APBA1: variants seen among roughly 807,000 people sequenced by gnomAD.
The protein encoded by APBA1 is amyloid-beta A4 precursor protein-binding family A member 1.
In APBA1, 55 loss-of-function variants were observed where a neutral mutation model predicts 86.6. The observed-to-expected ratio is 0.64, with a 90% CI of 0.51 to 0.80. The LOEUF (loss-of-function observed/expected upper bound fraction) is 0.80. Ranked by LOEUF, APBA1 falls within the 30% of genes least tolerant of loss-of-function variation. APBA1 has a pLI of 0.00. For synonymous variants in APBA1, 511 were observed against 493.9 expected (o/e 1.03, Z -0.46); for missense variants, 1,090 against 1,183.0 (o/e 0.92, Z 1.15).
chr9:69,472,931 T>C (rs1465584139), intron 3 of APBA1, among the ~76,000 whole-genome samples: 1 of 152,202 alleles, frequency 6.6e-6, no homozygotes, highest in Non-Finnish European at 1.5e-5. Flanking sequence ...ATTGGGGCAG[T>C]TGAAGAAACC....
chr9:69,631,785 T>G (rs2133998731), intron 1 of APBA1, among the ~76,000 whole-genome samples: 1 of 152,244 alleles, frequency 6.6e-6, no homozygotes, highest in East Asian at 1.9e-4. Context: ...AAACCATCAT[T>G]CTCAGCAAAC....
In APBA1 at chr9:69,516,622, C is replaced by G. The variant is rs780799579; in HGVS notation, c.589G>C (p.Val197Leu). ...GGCGCGTCCCCTATCTCCTCGTACA[C>G]GTGCTCCTGGAGGCCGCCGTAGTCG... is the stretch of plus-strand genomic sequence containing the variant. ...YADYGGLQEH[V>L]YEEIGDAPEL... The change falls in exon 2 of 13, where the codon GTG becomes CTG. Residue 197 changes from valine (V) to leucine (L), a missense_variant. This residue lies in a region of APBA1 where 678 missense variants were observed against 647.1 expected (regional missense o/e 1.05). Transcript: ENST00000265381. This position sits in a 1 kb window ranked among gnomAD's most constrained non-coding sequence, Gnocchi z 7.3. The G allele has an allele frequency of 3.1e-6, 5 of 1,607,334 alleles. No individual in the cohort carries two copies. Among genetic ancestry groups the G allele is most frequent in the Non-Finnish European group, 3.4e-6 (4 of 1,179,220 alleles).
At chr9:69,622,888 T>C (rs765769244) in intron 1 of APBA1, among the ~76,000 whole-genome samples, 5 of 152,226 alleles carry the variant, frequency 3.3e-5, no homozygotes, top group Non-Finnish European at 7.3e-5. Context: ...CAGCTCATTA[T>C]CAGCTGTGGT....
intron 2 of APBA1, among the ~76,000 whole-genome samples, chr9:69,493,871 C>T (rs10867656): frequency 0.81 from 123,498 of 152,046 alleles, 50,355 homozygotes; most frequent in Admixed American, 0.86. Flanking sequence ...TCCAGCTTTA[C>T]CTCTTTTCTC....
intron 2 of APBA1, among the ~76,000 whole-genome samples, chr9:69,476,548 A>T (rs977906529): frequency 6.6e-6 from 1 of 152,272 alleles, no homozygotes; most frequent in African/African-American, 2.4e-5. Context: ...CCTGCCCCAA[A>T]TGAAAAAGTA....
At chr9:69,506,236 C>G (rs1250578291) in intron 2 of APBA1, among the ~76,000 whole-genome samples, 1 of 151,620 alleles carries the variant, frequency 6.6e-6, no homozygotes, top group Non-Finnish European at 1.5e-5. Flanking sequence ...CAAAGCAGGG[C>G]GAGGCATTTC....
chr9:69,449,490 G>T, intron 10 of APBA1, 94 bp downstream of exon 10: 2 of 1,175,124 alleles, frequency 1.7e-6, no homozygotes, highest in Non-Finnish European at 2.5e-6. Context: ...CTGACACTTT[G>T]AATATGTTCA....
chr9:69,571,613 G>C (rs1250300057), intron 1 of APBA1, among the ~76,000 whole-genome samples: 1 of 152,034 alleles, frequency 6.6e-6, no homozygotes, highest in South Asian at 2.1e-4. Flanking sequence ...TTACTTTTCT[G>C]AATTTTTTGA....
intron 11 of APBA1, among the ~76,000 whole-genome samples, chr9:69,436,581 G>GT (rs1554687626): frequency 2.1e-4 from 22 of 106,656 alleles, no homozygotes; most frequent in African/African-American, 2.8e-4. Context: ...CTCTCTGTTT[G>GT]TTGTTGGTGT....
rs1823692797 is a variant in APBA1 at position 69,658,680 on chromosome 9, C to T, written c.-70+13473G>A. ...TTGGCCTCCTAAAATGCTAGGATTA[C>T]AGGCATGAGCCACTGCACCTGTCCT... On this transcript the variant is annotated intron_variant, in intron 1 of 12. Coordinates refer to ENST00000265381, the MANE Select transcript of APBA1 (RefSeq NM_001163.4). Among the ~76,000 whole-genome samples, 3 of 151,902 alleles carry T rather than the reference C, an allele frequency of 2.0e-5. No homozygotes were observed. The South Asian group carries it at 6.2e-4, about 32-fold the overall frequency.
intron 1 of APBA1, among the ~76,000 whole-genome samples, chr9:69,629,664 G>C (rs1034373311): frequency 3.3e-5 from 5 of 152,160 alleles, no homozygotes; most frequent in Non-Finnish European, 7.3e-5. Flanking sequence ...GTCGAGTTAG[G>C]GGATATAACC....
At chr9:69,535,677 CT>C (rs1836497268) in intron 1 of APBA1, among the ~76,000 whole-genome samples, 1 of 152,070 alleles carries the variant, frequency 6.6e-6, no homozygotes, top group African/African-American at 2.4e-5. Flanking sequence ...TATCTTTTCT[CT>C]GTTTCTATCT....
intron 1 of APBA1, among the ~76,000 whole-genome samples, chr9:69,656,749 T>C (rs184642458): frequency 4.6e-5 from 7 of 152,236 alleles, no homozygotes; most frequent in African/African-American, 1.4e-4. Flanking sequence ...CATCAAATAT[T>C]AGATGAGAAT....
intron 1 of APBA1, among the ~76,000 whole-genome samples, chr9:69,539,501 C>T (rs146369653): frequency 2.0e-5 from 3 of 152,240 alleles, no homozygotes; most frequent in Non-Finnish European, 2.9e-5. Flanking sequence ...ACTTTTTATT[C>T]CTTCCATTGC....
Position 69,599,910 on chromosome 9 carries a change from T to G in APBA1, c.-70+72243A>C, listed in dbSNP as rs561792367. ...AAGTTTCTTTCTGGGGCTTCATGCGTTTTTACAAGACTGATTCAAAACAAG... is the reference window on the plus strand; with the variant it reads ...AAGTTTCTTTCTGGGGCTTCATGCGGTTTTACAAGACTGATTCAAAACAAG... On this transcript the variant is annotated intron_variant, in intron 1 of 12. Coordinates refer to ENST00000265381, the MANE Select transcript of APBA1 (RefSeq NM_001163.4). Among the ~76,000 whole-genome samples, 38 of 152,212 alleles carry G rather than the reference T, an allele frequency of 2.5e-4. No homozygotes were observed. The South Asian group carries it at 7.5e-3, about 30-fold the overall frequency.
chr9:69,437,113 C>T (rs1834739498), intron 11 of APBA1, among the ~76,000 whole-genome samples: 1 of 151,954 alleles, frequency 6.6e-6, no homozygotes, highest in East Asian at 1.9e-4. Context: ...AGCCTTGCAT[C>T]CCAGGGATGA....
At chr9:69,487,597 T>G (rs1835632151) in intron 2 of APBA1, among the ~76,000 whole-genome samples, 1 of 151,996 alleles carries the variant, frequency 6.6e-6, no homozygotes, top group African/African-American at 2.4e-5. Context: ...ATGAATGGAT[T>G]GATGCATTCA....
At chr9:69,436,962 TTTA>T (rs1332437184) in intron 11 of APBA1, among the ~76,000 whole-genome samples, 1 of 152,154 alleles carries the variant, frequency 6.6e-6, no homozygotes, top group Non-Finnish European at 1.5e-5. Flanking sequence ...CAATACCTAA[TTTA>T]TTGAGAGTTT....
intron 1 of APBA1, among the ~76,000 whole-genome samples, chr9:69,527,037 C>A (rs982515112): frequency 5.9e-5 from 9 of 151,942 alleles, no homozygotes; most frequent in African/African-American, 1.9e-4. Context: ...TGGGTACTCA[C>A]GGACATAAAG....
Sources: gnomAD v4.1 joint callset for allele counts (sites outside exome capture counted in the v4.1 genomes callset) on GRCh38, gnomAD v4.1.1 for gene constraint, gnomAD v4.1.1 regional missense constraint, Gnocchi (gnomAD v3.1) non-coding constraint, MANE v1.5 for transcripts, NCBI Gene and HGNC (gene_info 2026-07-23, HGNC 2026-07-21) for gene names.